MYO1D: variants seen among roughly 807,000 people sequenced by gnomAD.
MYO1D encodes myosin ID, also known as unconventional myosin-Id.
A neutral mutation model predicts 122.0 loss-of-function variants in MYO1D; 83 were observed. The ratio of observed to expected loss-of-function variants is 0.68; its 90% CI spans 0.57 to 0.82. MYO1D has a LOEUF of 0.82. Ranked by LOEUF, MYO1D falls within the 40% of genes least tolerant of loss-of-function variation. The pLI is 0.00. For missense variants in MYO1D, 1,157 were observed against 1,269.5 expected (o/e 0.91, Z 1.35); for synonymous variants, 464 against 446.9 (o/e 1.04, Z -0.48).
At chr17:32,788,687 A>G (rs982886201) in intron 1 of MYO1D, among the ~76,000 whole-genome samples, 1 of 152,182 alleles carries the variant, frequency 6.6e-6, no homozygotes, top group Non-Finnish European at 1.5e-5. Context: ...AGGTAATGTC[A>G]TGCCTTCAGA....
intron 21 of MYO1D, among the ~76,000 whole-genome samples, chr17:32,500,786 C>T (rs1316413883): frequency 6.6e-6 from 1 of 152,112 alleles, no homozygotes; most frequent in Non-Finnish European, 1.5e-5. Flanking sequence ...GTGGGTGGAT[C>T]ATGAGGTCAG....
intron 16 of MYO1D, among the ~76,000 whole-genome samples, chr17:32,694,472 C>T (rs1169942103): frequency 7.2e-5 from 11 of 151,972 alleles, no homozygotes; most frequent in African/African-American, 1.7e-4. Flanking sequence ...GAGGTCGAGG[C>T]GGGTGGATCA....
At chr17:32,825,920 C>A (rs72815094) in intron 1 of MYO1D, among the ~76,000 whole-genome samples, 74 of 151,936 alleles carry the variant, frequency 4.9e-4, no homozygotes, top group Non-Finnish European at 7.9e-4. Flanking sequence ...TGCTCTGGCA[C>A]ACGCTTGTAG....
intron 15 of MYO1D, among the ~76,000 whole-genome samples, chr17:32,715,369 T>C (rs2089430091): frequency 6.6e-6 from 1 of 152,228 alleles, no homozygotes; most frequent in African/African-American, 2.4e-5. Flanking sequence ...CTTGTTAAGA[T>C]AGTAGATATG....
chr17:32,764,517 TC>T lies in MYO1D; in HGVS notation c.1035+360del, dbSNP rs375420578. Among the ~76,000 whole-genome samples the T allele has an allele frequency of 2.9e-4, 44 of 152,274 alleles. No homozygotes were observed. The East Asian group carries it at 6.8e-3, about 23-fold the overall frequency. On this transcript the variant is annotated intron_variant, in intron 8 of 21. Transcript: ENST00000318217. ...CATAATGTGTACATGTCCTGAAATA[TC>T]CCACTGTACCCATAAACATATACAA...
At chr17:32,724,451 C>T (rs537866570) in intron 14 of MYO1D, among the ~76,000 whole-genome samples, 7 of 152,092 alleles carry the variant, frequency 4.6e-5, no homozygotes, top group African/African-American at 7.2e-5. Flanking sequence ...ATAAACAAAA[C>T]GTTTGCCAGA....
At chr17:32,678,636 A>T (rs2088861457) in intron 16 of MYO1D, among the ~76,000 whole-genome samples, 1 of 150,674 alleles carries the variant, frequency 6.6e-6, no homozygotes, top group African/African-American at 2.5e-5. Flanking sequence ...TATATGCCAC[A>T]TTTTCTTAAT....
At chr17:32,530,292 G>A (rs1910468769) in intron 21 of MYO1D, among the ~76,000 whole-genome samples, 1 of 152,132 alleles carries the variant, frequency 6.6e-6, no homozygotes, top group African/African-American at 2.4e-5. Context: ...AGAAGATTTT[G>A]AGAATTAAAT....
At chr17:32,631,038 AC>A (rs1194656698) in intron 20 of MYO1D, among the ~76,000 whole-genome samples, 1 of 152,154 alleles carries the variant, frequency 6.6e-6, no homozygotes, top group East Asian at 1.9e-4. Flanking sequence ...TAACTTAATT[AC>A]TACTTTAAAG....
chr17:32,741,044 C>T (rs188470439), intron 13 of MYO1D, among the ~76,000 whole-genome samples: 1 of 151,866 alleles, frequency 6.6e-6, no homozygotes, highest in East Asian at 1.9e-4. Flanking sequence ...GTCTACAGAA[C>T]TAGAATCCAA....
At chr17:32,815,158 C>A (rs16967654) in intron 1 of MYO1D, among the ~76,000 whole-genome samples, 9,861 of 152,284 alleles carry the variant, frequency 0.065, 550 homozygotes, top group East Asian at 0.19. Flanking sequence ...ATGACTTACT[C>A]ACCTTTGCAG....
chr17:32,703,214 T>C (rs1302369634), intron 16 of MYO1D, among the ~76,000 whole-genome samples: 1 of 152,152 alleles, frequency 6.6e-6, no homozygotes, highest in East Asian at 1.9e-4. Flanking sequence ...AAGATCTCTG[T>C]CTATAATTAA....
At chr17:32,669,054 A>G (rs937918297) in intron 16 of MYO1D, among the ~76,000 whole-genome samples, 28 of 152,156 alleles carry the variant, frequency 1.8e-4, no homozygotes, top group African/African-American at 6.8e-4. Context: ...GAAAAAAACC[A>G]TAACTGACTA....
chr17:32,855,130 A>G (rs555733651), intron 1 of MYO1D, among the ~76,000 whole-genome samples: 10 of 152,282 alleles, frequency 6.6e-5, no homozygotes, highest in Admixed American at 1.3e-4. Context: ...CAAACCTTTA[A>G]TTGCTTGCTG....
intron 8 of MYO1D, among the ~76,000 whole-genome samples, chr17:32,761,936 A>G (rs4255825): frequency 0.54 from 82,252 of 151,926 alleles, 23,334 homozygotes; most frequent in East Asian, 0.73. Context: ...ACACAAACAT[A>G]GTCTCAATGT....
At chr17:32,555,733 C>G (rs537075655) in intron 21 of MYO1D, among the ~76,000 whole-genome samples, 54 of 152,298 alleles carry the variant, frequency 3.5e-4, no homozygotes, top group Non-Finnish European at 7.5e-4. Context: ...CCCACAATAG[C>G]CACACCCCTC....
chr17:32,869,942 A>C (rs1297035296), intron 1 of MYO1D, among the ~76,000 whole-genome samples: 9 of 152,092 alleles, frequency 5.9e-5, no homozygotes, highest in Admixed American at 5.9e-4. Flanking sequence ...AAAAAAAAGA[A>C]AAAAGAAAAG....
intron 13 of MYO1D, among the ~76,000 whole-genome samples, chr17:32,739,683 A>C (rs1658353660): frequency 6.6e-6 from 1 of 152,224 alleles, no homozygotes; most frequent in Non-Finnish European, 1.5e-5. Flanking sequence ...AATTAACATT[A>C]GCATTCATTG....
chr17:32,665,252 C>T (rs1402014016), intron 16 of MYO1D, among the ~76,000 whole-genome samples: 2 of 150,348 alleles, frequency 1.3e-5, no homozygotes, highest in Non-Finnish European at 3.0e-5. Flanking sequence ...CCATGCTCTG[C>T]TTTTTCTTTT....
Sources: allele counts gnomAD v4.1 joint callset (sites outside exome capture counted in the v4.1 genomes callset), GRCh38; gene constraint gnomAD v4.1.1; transcripts MANE v1.5; gene names NCBI Gene and HGNC (gene_info 2026-07-23, HGNC 2026-07-21).